The following PCDH9 variants were observed in gnomAD, a reference collection of about 807,000 sequenced individuals.
The protein encoded by PCDH9 is protocadherin 9, also known as protocadherin-9.
Under a neutral mutation model 70.6 loss-of-function variants are expected in PCDH9, and 24 were observed. That is an observed-to-expected ratio of 0.34 (90% CI 0.25 to 0.48). The LOEUF (loss-of-function observed/expected upper bound fraction) is 0.48. Among genes scored for constraint, PCDH9 ranks in the 20% least tolerant of loss-of-function variants. PCDH9 has a pLI of 0.99. For missense variants in PCDH9, 1,281 were observed against 1,503.6 expected (o/e 0.85, Z 2.45); for synonymous variants, 562 against 558.5 (o/e 1.01, Z -0.09).
chr13:66,500,884 A>G (rs1959173682), intron 4 of PCDH9, among the ~76,000 whole-genome samples: 1 of 152,114 alleles, frequency 6.6e-6, no homozygotes, highest in Admixed American at 6.6e-5. Flanking sequence ...CAGGGCAATT[A>G]CTTGCCCTTT....
chr13:66,362,722 G>C (rs567180946), intron 4 of PCDH9, among the ~76,000 whole-genome samples: 12 of 152,034 alleles, frequency 7.9e-5, no homozygotes, highest in African/African-American at 2.9e-4. Flanking sequence ...ATGTTTCTGT[G>C]TGTGTGCATC....
intron 2 of PCDH9, among the ~76,000 whole-genome samples, chr13:67,027,965 T>G (rs570175206): frequency 0.16 from 24,290 of 149,656 alleles, 1,991 homozygotes; most frequent in Middle Eastern, 0.24. Context: ...TTTTACACTG[T>G]TGGTGGGACT....
At chr13:66,520,677 T>G (rs1176611812) in intron 4 of PCDH9, among the ~76,000 whole-genome samples, 1 of 152,222 alleles carries the variant, frequency 6.6e-6, no homozygotes, top group Non-Finnish European at 1.5e-5. Context: ...GGACTTTATT[T>G]ATGCCTCAGG....
intron 4 of PCDH9, among the ~76,000 whole-genome samples, chr13:66,566,063 G>T (rs567545315): frequency 4.6e-5 from 7 of 152,272 alleles, no homozygotes; most frequent in African/African-American, 1.4e-4. Context: ...GGAGTCCCAG[G>T]ATCATGCCAC....
intron 3 of PCDH9, among the ~76,000 whole-genome samples, chr13:66,645,841 A>G (rs2138976424): frequency 6.6e-6 from 1 of 152,286 alleles, no homozygotes; most frequent in East Asian, 1.9e-4. Flanking sequence ...GTAATTACAA[A>G]TGAAATAGGT....
intron 3 of PCDH9, among the ~76,000 whole-genome samples, chr13:66,870,146 G>A (rs1205323453): frequency 6.6e-6 from 1 of 152,118 alleles, no homozygotes; most frequent in African/African-American, 2.4e-5. Context: ...CATATGGCTA[G>A]CCAGTTTTCC....
intron 3 of PCDH9, among the ~76,000 whole-genome samples, chr13:66,883,313 T>A (rs1464251610): frequency 1.3e-5 from 2 of 152,224 alleles, no homozygotes; most frequent in Non-Finnish European, 2.9e-5. Context: ...AACTCATTTT[T>A]CATTATGCTT....
At chr13:66,579,240 CA>C (rs1275454626) in intron 4 of PCDH9, among the ~76,000 whole-genome samples, 1 of 151,812 alleles carries the variant, frequency 6.6e-6, no homozygotes, top group Non-Finnish European at 1.5e-5. Context: ...TCATTAGCTA[CA>C]ACTAAAATAT....
At chr13:66,459,245 T>C (rs1180260980) in intron 4 of PCDH9, among the ~76,000 whole-genome samples, 1 of 151,942 alleles carries the variant, frequency 6.6e-6, no homozygotes, top group African/African-American at 2.4e-5. Context: ...CAGAAGCATG[T>C]ATACTCATAG....
At chr13:66,910,123 C>G (rs1355246595) in intron 2 of PCDH9, among the ~76,000 whole-genome samples, 1 of 152,176 alleles carries the variant, frequency 6.6e-6, no homozygotes, top group Non-Finnish European at 1.5e-5. Flanking sequence ...GAAAAGTCCT[C>G]TCTTCTCCCT....
chr13:67,172,366 T>G (rs575008090), intron 2 of PCDH9, among the ~76,000 whole-genome samples: 1 of 152,282 alleles, frequency 6.6e-6, no homozygotes, highest in East Asian at 1.9e-4. Flanking sequence ...CTATGCCCTT[T>G]CTATAGAAAG....
chr13:66,312,601 A>G (rs922158821), intron 4 of PCDH9, among the ~76,000 whole-genome samples: 1 of 117,126 alleles, frequency 8.5e-6, no homozygotes, highest in African/African-American at 3.3e-5. Context: ...ATAGAGCGAG[A>G]TCCTGCCTCA....
intron 3 of PCDH9, among the ~76,000 whole-genome samples, chr13:66,896,856 C>T (rs542906514): frequency 2.6e-4 from 39 of 152,292 alleles, no homozygotes; most frequent in South Asian, 8.3e-4. Flanking sequence ...ATGTCCTCTC[C>T]TGACACCTGG....
intron 4 of PCDH9, among the ~76,000 whole-genome samples, chr13:66,609,853 T>C (rs963332942): frequency 9.2e-5 from 14 of 152,026 alleles, no homozygotes; most frequent in Non-Finnish European, 4.4e-5. Flanking sequence ...TTTTTCCAAA[T>C]TTTCTCTTCA....
intron 4 of PCDH9, among the ~76,000 whole-genome samples, chr13:66,454,246 T>C (rs959694251): frequency 6.6e-6 from 1 of 152,140 alleles, no homozygotes; most frequent in African/African-American, 2.4e-5. Context: ...CTACATAACA[T>C]TTATATCTGA....
At chr13:67,131,827 T>C (rs2087118594) in intron 2 of PCDH9, among the ~76,000 whole-genome samples, 1 of 152,180 alleles carries the variant, frequency 6.6e-6, no homozygotes, top group African/African-American at 2.4e-5. Context: ...ACAAGTGTCG[T>C]TGAGACAGAG....
At chr13:67,056,343 G>A (rs1265263083) in intron 2 of PCDH9, among the ~76,000 whole-genome samples, 1 of 117,324 alleles carries the variant, frequency 8.5e-6, no homozygotes, top group Non-Finnish European at 1.8e-5. Flanking sequence ...ATCTATCTAT[G>A]TATCTCTATG....
At chr13:66,864,178 C>T (rs1404896965) in intron 3 of PCDH9, among the ~76,000 whole-genome samples, 5 of 151,924 alleles carry the variant, frequency 3.3e-5, no homozygotes, top group Non-Finnish European at 5.9e-5. Flanking sequence ...ACAGCCAGAG[C>T]ATATCAGATA....
At chr13:66,864,573 A>T (rs2081539268) in intron 3 of PCDH9, among the ~76,000 whole-genome samples, 1 of 152,246 alleles carries the variant, frequency 6.6e-6, no homozygotes, top group Non-Finnish European at 1.5e-5. Flanking sequence ...GGACATTTAG[A>T]ATGTTTGCTA....
Sources: gnomAD v4.1 joint callset for allele counts (sites outside exome capture counted in the v4.1 genomes callset) on GRCh38, gnomAD v4.1.1 for gene constraint, MANE v1.5 for transcripts, NCBI Gene and HGNC (gene_info 2026-07-23, HGNC 2026-07-21) for gene names.